The following WDR41 variants were observed in gnomAD, a reference collection of about 807,000 sequenced individuals.
The protein encoded by WDR41 is WD repeat domain 41.
Under a neutral mutation model 69.3 loss-of-function variants are expected in WDR41, and 63 were observed. The observed-to-expected ratio is 0.91, with a 90% CI of 0.74 to 1.12. The LOEUF is 1.12. Ranked by LOEUF, WDR41 falls within the 50% of genes most tolerant of loss-of-function variation. The probability of loss-of-function intolerance (pLI) is 0.00; values close to 1 mark genes in which losing one functional copy is unlikely to be tolerated. For synonymous variants in WDR41, 185 were observed against 192.1 expected, an observed-to-expected ratio of 0.96 and a Z score of 0.31; for missense variants, 543 against 534.5, an observed-to-expected ratio of 1.02 and a Z score of -0.16.
chr5:77,504,435 T>C (rs1032417498), intron 1 of WDR41, among the ~76,000 whole-genome samples: 21 of 152,178 alleles, frequency 1.4e-4, no homozygotes, highest in African/African-American at 4.8e-4. Flanking sequence ...AGCTGAATTC[T>C]ACCAGAGGTA....
intron 1 of WDR41, among the ~76,000 whole-genome samples, chr5:77,611,376 C>G (rs1350588099): frequency 2.0e-5 from 3 of 152,234 alleles, no homozygotes; most frequent in Non-Finnish European, 4.4e-5. Context: ...CCACACCACA[C>G]CTATTCCAAA....
chr5:77,444,075 T>A (rs1312021017), intron 8 of WDR41, among the ~76,000 whole-genome samples: 1 of 152,018 alleles, frequency 6.6e-6, no homozygotes, highest in Non-Finnish European at 1.5e-5. Flanking sequence ...GTGACGGGTT[T>A]CGCCATGTTG....
intron 1 of WDR41, among the ~76,000 whole-genome samples, chr5:77,586,962 C>T: frequency 6.6e-6 from 1 of 151,978 alleles, no homozygotes. Context: ...TTGTGATCCG[C>T]CTGCCTTGGC....
chr5:77,537,303 C>A (rs1743005105), intron 1 of WDR41, among the ~76,000 whole-genome samples: 1 of 152,128 alleles, frequency 6.6e-6, no homozygotes, highest in African/African-American at 2.4e-5. Flanking sequence ...TATGAAGGAA[C>A]AAGTTTTTAC....
upstream of WDR41, among the ~76,000 whole-genome samples, chr5:77,496,191 C>T (rs1314314189): frequency 6.6e-6 from 1 of 151,962 alleles, no homozygotes; most frequent in Non-Finnish European, 1.5e-5. Flanking sequence ...AAAGCTTCTC[C>T]CCTAAGATGA....
At chr5:77,459,152 A>ATCCCTTGT (rs765700021) in intron 4 of WDR41, 28 bp from the exon 5 acceptor site, 5 of 1,490,334 alleles carry the variant, frequency 3.4e-6, no homozygotes, top group Non-Finnish European at 4.6e-6. Context: ...AATAATTTCT[A>ATCCCTTGT]AACAGAATTT....
intron 1 of WDR41, among the ~76,000 whole-genome samples, chr5:77,584,463 A>G (rs1415886367): frequency 6.6e-6 from 1 of 152,210 alleles, no homozygotes; most frequent in Admixed American, 6.5e-5. Context: ...TAAGAAAGCA[A>G]TTTAATTTAT....
At chr5:77,587,402 C>T (rs1054430143) in intron 1 of WDR41, among the ~76,000 whole-genome samples, 6 of 152,132 alleles carry the variant, frequency 3.9e-5, no homozygotes, top group Non-Finnish European at 8.8e-5. Flanking sequence ...CGCACACATT[C>T]AGCTTTAGTA....
intron 1 of WDR41, among the ~76,000 whole-genome samples, chr5:77,504,372 G>A (rs1430288106): frequency 3.3e-5 from 5 of 152,170 alleles, no homozygotes; most frequent in Admixed American, 6.5e-5. Context: ...TGAAATTGAC[G>A]CAATAATTAA....
chr5:77,464,826 G>A lies in WDR41; in HGVS notation c.168-17C>T. The A allele has an allele frequency of 1.3e-6, 2 of 1,578,074 alleles. No homozygotes were observed. The highest frequency in any genetic ancestry group is 2.2e-5 in the East Asian group (1 of 44,484). ...GATGCAAATCTGGTTAGGGAGAAAG[G>A]GTCAAGAAAAAAAAATCACTGGTGA... On this transcript the variant is annotated splice_polypyrimidine_tract_variant and intron_variant, in intron 2 of 12. Coordinates refer to ENST00000296679, the MANE Select transcript of WDR41 (RefSeq NM_018268.4).
intron 1 of WDR41, among the ~76,000 whole-genome samples, chr5:77,585,983 T>G (rs1285107735): frequency 2.0e-5 from 3 of 152,130 alleles, no homozygotes; most frequent in African/African-American, 7.2e-5. Context: ...ATACATATAG[T>G]TTACTCTTCT....
intron 1 of WDR41, among the ~76,000 whole-genome samples, chr5:77,504,031 C>T (rs1046423520): frequency 2.0e-5 from 3 of 151,534 alleles, no homozygotes; most frequent in South Asian, 2.1e-4. Context: ...AAGATCAGAG[C>T]AGAACTGAAG....
chr5:77,575,038 T>C (rs970351279), intron 1 of WDR41, among the ~76,000 whole-genome samples: 1 of 152,088 alleles, frequency 6.6e-6, no homozygotes. Context: ...CAACCTAAAA[T>C]GCATTCAGAA....
At chr5:77,553,931 C>T (rs768564971) in intron 1 of WDR41, among the ~76,000 whole-genome samples, 2 of 152,158 alleles carry the variant, frequency 1.3e-5, no homozygotes, top group Non-Finnish European at 2.9e-5. Context: ...AATAATTGCA[C>T]TTCTGGACAT....
At chr5:77,453,790 G>C (rs768030080) in intron 6 of WDR41, 27 bp downstream of exon 6, 20 of 1,564,182 alleles carry the variant, frequency 1.3e-5, no homozygotes, top group Middle Eastern at 1.7e-4. Flanking sequence ...GTCAATCATA[G>C]TTCAAAATTA....
chr5:77,598,175 G>A (rs954482537), intron 1 of WDR41, among the ~76,000 whole-genome samples: 1 of 152,158 alleles, frequency 6.6e-6, no homozygotes, highest in Admixed American at 6.6e-5. Flanking sequence ...CTAGACAGTT[G>A]GTATTGGGCT....
At chr5:77,471,715 A>G (rs1240841328) in intron 2 of WDR41, among the ~76,000 whole-genome samples, 1 of 152,202 alleles carries the variant, frequency 6.6e-6, no homozygotes, top group African/African-American at 2.4e-5. Flanking sequence ...CACCCTCCCA[A>G]GACTAAACCA....
At chr5:77,564,097 G>A (rs1743572586) in intron 1 of WDR41, among the ~76,000 whole-genome samples, 1 of 152,102 alleles carries the variant, frequency 6.6e-6, no homozygotes, top group African/African-American at 2.4e-5. Context: ...ATAAATACAT[G>A]TAAAGTATAA....
At chr5:77,571,049 T>G (rs1743724273) in intron 1 of WDR41, among the ~76,000 whole-genome samples, 1 of 152,064 alleles carries the variant, frequency 6.6e-6, no homozygotes, top group Non-Finnish European at 1.5e-5. Flanking sequence ...AAATTATGAC[T>G]GATGAACAGC....
Sources: allele counts gnomAD v4.1 joint callset (sites outside exome capture counted in the v4.1 genomes callset), GRCh38; gene constraint gnomAD v4.1.1; transcripts MANE v1.5; gene names NCBI Gene and HGNC (gene_info 2026-07-23, HGNC 2026-07-21).